CTNNA2: variants seen among roughly 807,000 people sequenced by gnomAD.
CTNNA2 encodes the protein catenin alpha 2.
In CTNNA2, 42 loss-of-function variants were observed where a neutral mutation model predicts 101.0. The ratio of observed to expected loss-of-function variants is 0.42; its 90% CI spans 0.32 to 0.54. The LOEUF (loss-of-function observed/expected upper bound fraction) is 0.54, where lower values mean the gene tolerates loss of function less well. Among genes scored for constraint, CTNNA2 ranks in the 20% least tolerant of loss-of-function variants. The probability of loss-of-function intolerance (pLI) is 0.14; values close to 1 mark genes in which losing one functional copy is unlikely to be tolerated. For missense variants in CTNNA2, 871 were observed against 1,223.1 expected, an observed-to-expected ratio of 0.71 and a Z score of 4.29; for synonymous variants, 450 against 456.4, an observed-to-expected ratio of 0.99 and a Z score of 0.18.
intron 2 of CTNNA2, among the ~76,000 whole-genome samples, chr2:79,689,963 G>T (rs140565008): frequency 1.5e-3 from 227 of 151,782 alleles, no homozygotes; most frequent in African/African-American, 5.2e-3. Context: ...AAGACATAAA[G>T]CATAGTTAAA....
chr2:80,122,319 C>A (rs1701888379), intron 7 of CTNNA2, among the ~76,000 whole-genome samples: 2 of 149,792 alleles, frequency 1.3e-5, no homozygotes, highest in African/African-American at 4.9e-5. Flanking sequence ...TCTCTGTTTC[C>A]CCCTCTTTCT....
At chr2:80,290,861 A>G (rs2149178579) in intron 7 of CTNNA2, among the ~76,000 whole-genome samples, 1 of 152,298 alleles carries the variant, frequency 6.6e-6, no homozygotes, top group South Asian at 2.1e-4. Context: ...AAGGGAGAGT[A>G]GAAAACAAAC....
intron 4 of CTNNA2, among the ~76,000 whole-genome samples, chr2:79,449,356 G>C (rs866966718): frequency 2.0e-5 from 3 of 151,986 alleles, no homozygotes; most frequent in Admixed American, 6.6e-5. Flanking sequence ...AGCTTGAAAG[G>C]AATGGGTCTC....
At chr2:80,054,125 G>A (rs1393748595) in intron 7 of CTNNA2, among the ~76,000 whole-genome samples, 1 of 152,214 alleles carries the variant, frequency 6.6e-6, no homozygotes, top group Non-Finnish European at 1.5e-5. Context: ...TACGTTGTAT[G>A]CCACTGCTCA....
At chr2:80,178,857 G>A (rs113850838) in intron 7 of CTNNA2, among the ~76,000 whole-genome samples, 6,373 of 152,224 alleles carry the variant, frequency 0.042, 195 homozygotes, top group Non-Finnish European at 0.065. Context: ...GAAGGTCCCT[G>A]AATTTTAGTT....
intron 9 of CTNNA2, among the ~76,000 whole-genome samples, chr2:80,518,650 A>G (rs915090800): frequency 1.6e-4 from 25 of 152,110 alleles, no homozygotes; most frequent in African/African-American, 6.0e-4. Flanking sequence ...TATGAATGGC[A>G]TGTTGTATAT....
chr2:80,045,960 A>C (rs1696493950), intron 7 of CTNNA2, among the ~76,000 whole-genome samples: 1 of 152,186 alleles, frequency 6.6e-6, no homozygotes, highest in Non-Finnish European at 1.5e-5. Flanking sequence ...CATCCCGAAA[A>C]GTGAGAGTAG....
At chr2:80,405,982 A>G (rs1045828778) in intron 8 of CTNNA2, among the ~76,000 whole-genome samples, 10 of 152,158 alleles carry the variant, frequency 6.6e-5, no homozygotes, top group African/African-American at 2.4e-4. Context: ...GATTCCTTCA[A>G]TTTCAACAAG....
chr2:79,444,495 C>A (rs1337140950), intron 4 of CTNNA2, among the ~76,000 whole-genome samples: 1 of 152,034 alleles, frequency 6.6e-6, no homozygotes, highest in Non-Finnish European at 1.5e-5. Context: ...GAAAGACTTC[C>A]CTCCCCTTGG....
In CTNNA2 at chr2:80,146,060, T is replaced by A. The variant is rs1331752898; in HGVS notation, c.1056+236263T>A. Among the ~76,000 whole-genome samples the A allele has an allele frequency of 5.9e-5, 9 of 152,206 alleles. No homozygotes were observed. The East Asian group carries it at 1.7e-3, about 29-fold the overall frequency. On this transcript the variant is annotated intron_variant, in intron 7 of 18. Coordinates refer to ENST00000402739, the MANE Select transcript of CTNNA2 (RefSeq NM_001282597.3). The stretch of plus-strand genomic sequence containing the variant: ...GGCTGCTTCCAGCCATTTGCAGTAC[T>A]TTCTCTTGGAATATCATTGCAATGC...
chr2:80,017,211 C>T lies in CTNNA2; in HGVS notation c.1056+107414C>T, dbSNP rs1694210599. On this transcript the variant is annotated intron_variant, in intron 7 of 18. Coordinates refer to ENST00000402739, the MANE Select transcript of CTNNA2 (RefSeq NM_001282597.3). ...ACTTAACTGGGAGTGGGGTGGGATC[C>T]TGCCTCTGACCATACTGCAGCCTCA... Among the ~76,000 whole-genome samples, 3 of 152,082 alleles carry T rather than the reference C, an allele frequency of 2.0e-5. No individual in the cohort carries two copies. The South Asian group carries it at 6.2e-4, about 31-fold the overall frequency.
intron 4 of CTNNA2, among the ~76,000 whole-genome samples, chr2:79,405,347 A>C (rs762179342): frequency 6.6e-6 from 1 of 152,036 alleles, no homozygotes; most frequent in Admixed American, 6.6e-5. Flanking sequence ...TATTTTTGCA[A>C]TGGATTCTTG....
rs1558853653 is a variant in CTNNA2, at chr2:80,149,025, T to TTTC, written c.1056+239230_1056+239231insCTT. On this transcript the variant is annotated intron_variant, in intron 7 of 18. Transcript: ENST00000402739. ...TCAACCTTCTGACTTATTTTGTTAT[T>TTTC]TTTTTTTTTTTTTTTTTTTTAAGAC... Among the ~76,000 whole-genome samples the TTTC allele has an allele frequency of 2.5e-3, 222 of 90,240 alleles. 2 individuals are homozygous for TTTC. The highest frequency in any genetic ancestry group is 0.011 in the African/African-American group (205 of 19,308). 59.2% of individuals were successfully genotyped at this position (90,240 alleles called of 152,430 possible).
intron 9 of CTNNA2, among the ~76,000 whole-genome samples, chr2:80,453,002 G>A (rs1260073313): frequency 6.6e-6 from 1 of 152,050 alleles, no homozygotes; most frequent in Admixed American, 6.6e-5. Context: ...GTATAGCTGG[G>A]GTTGAACCTG....
intron 17 of CTNNA2, among the ~76,000 whole-genome samples, chr2:80,616,996 A>G (rs1698908066): frequency 6.6e-6 from 1 of 151,686 alleles, no homozygotes; most frequent in Admixed American, 6.6e-5. Context: ...CCAATAGACA[A>G]TCTAAGTTCA....
chr2:79,658,250 G>T (rs1282718683), intron 2 of CTNNA2, among the ~76,000 whole-genome samples: 2 of 151,940 alleles, frequency 1.3e-5, no homozygotes, highest in Non-Finnish European at 2.9e-5. Flanking sequence ...TGTATTCATG[G>T]TGATAGCTTC....
intron 7 of CTNNA2, among the ~76,000 whole-genome samples, chr2:79,991,952 T>G (rs190844849): frequency 1.1e-3 from 167 of 152,280 alleles, no homozygotes; most frequent in Admixed American, 2.3e-3. Flanking sequence ...TGTTTTGTTT[T>G]AAAAAGAATG....
At chr2:79,195,564 G>A (rs1276595336) in intron 1 of CTNNA2, among the ~76,000 whole-genome samples, 1 of 152,136 alleles carries the variant, frequency 6.6e-6, no homozygotes, top group Admixed American at 6.5e-5. Context: ...TGTATTTGCT[G>A]CCTGCTTCAG....
chr2:80,533,143 C>T (rs1690687824), intron 9 of CTNNA2, among the ~76,000 whole-genome samples: 1 of 152,112 alleles, frequency 6.6e-6, no homozygotes, highest in Admixed American at 6.6e-5. Context: ...ATCCTCCATC[C>T]ATATAATAAA....
Sources: gnomAD v4.1 joint callset for allele counts (sites outside exome capture counted in the v4.1 genomes callset) on GRCh38, gnomAD v4.1.1 for gene constraint, MANE v1.5 for transcripts, NCBI Gene and HGNC (gene_info 2026-07-23, HGNC 2026-07-21) for gene names.